Variants in FBXL7 observed in about 807,000 individuals in gnomAD.
FBXL7 encodes the protein F-box/LRR-repeat protein 7.
Under a neutral mutation model 38.3 loss-of-function variants are expected in FBXL7, and 12 were observed. The observed-to-expected ratio is 0.31, with a 90% confidence interval of 0.20 to 0.51. FBXL7 has a LOEUF of 0.51. Ranked by LOEUF, FBXL7 falls within the 20% of genes least tolerant of loss-of-function variation. The probability of loss-of-function intolerance (pLI) is 0.98; values close to 1 mark genes in which losing one functional copy is unlikely to be tolerated. For synonymous variants in FBXL7, 297 were observed against 300.9 expected (o/e 0.99, Z 0.13); for missense variants, 567 against 676.4 (o/e 0.84, Z 1.79).
At chr5:15,793,368 G>C (rs112816480) in intron 2 of FBXL7, among the ~76,000 whole-genome samples, 1,552 of 152,222 alleles carry the variant, frequency 0.01, 32 homozygotes, top group African/African-American at 0.035. Flanking sequence ...AGGAGTTCCT[G>C]GCTGGAAACT....
chr5:15,890,352 G>A (rs542986111), intron 2 of FBXL7, among the ~76,000 whole-genome samples: 16 of 152,164 alleles, frequency 1.1e-4, no homozygotes, highest in Admixed American at 2.6e-4. Context: ...GGGTTCAAGC[G>A]ATTCTCCTGC....
intron 2 of FBXL7, among the ~76,000 whole-genome samples, chr5:15,708,475 A>G (rs1464550355): frequency 6.6e-6 from 1 of 152,210 alleles, no homozygotes; most frequent in Non-Finnish European, 1.5e-5. Context: ...TGGAGTTATC[A>G]TAGCTAGAAA....
chr5:15,599,542 A>T (rs1739731034), intron 1 of FBXL7, among the ~76,000 whole-genome samples: 1 of 152,160 alleles, frequency 6.6e-6, no homozygotes. Context: ...TTTTGCTAGA[A>T]GGCTGACGAC....
chr5:15,683,067 C>A (rs1211794458), intron 2 of FBXL7, among the ~76,000 whole-genome samples: 1 of 152,082 alleles, frequency 6.6e-6, no homozygotes, highest in African/African-American at 2.4e-5. Context: ...GAGATGAGAG[C>A]TGAAGGTGTA....
intron 2 of FBXL7, among the ~76,000 whole-genome samples, chr5:15,700,355 C>T (rs983628497): frequency 2.0e-5 from 3 of 152,178 alleles, no homozygotes; most frequent in Admixed American, 6.5e-5. Context: ...TTGCTGCAGA[C>T]ACACTCAATA....
chr5:15,608,271 G>A (rs2126505255), intron 1 of FBXL7, among the ~76,000 whole-genome samples: 1 of 152,096 alleles, frequency 6.6e-6, no homozygotes, highest in African/African-American at 2.4e-5. Context: ...TTTTCTCATA[G>A]CAGCCTCTCC....
intron 2 of FBXL7, among the ~76,000 whole-genome samples, chr5:15,906,216 A>G (rs1375686044): frequency 6.6e-6 from 1 of 152,080 alleles, no homozygotes; most frequent in Non-Finnish European, 1.5e-5. Context: ...GGAGCTTTAC[A>G]CATTGGTCAA....
intron 2 of FBXL7, among the ~76,000 whole-genome samples, chr5:15,846,883 T>G (rs944211946): frequency 2.0e-5 from 3 of 152,150 alleles, no homozygotes; most frequent in Non-Finnish European, 4.4e-5. Context: ...TGTGAACACA[T>G]GAAATTATGC....
At chr5:15,917,508 T>C (rs1741613147) in intron 2 of FBXL7, among the ~76,000 whole-genome samples, 1 of 152,104 alleles carries the variant, frequency 6.6e-6, no homozygotes, top group Non-Finnish European at 1.5e-5. Flanking sequence ...CTCGGGAGGC[T>C]GAAGCAGGAG....
intron 2 of FBXL7, among the ~76,000 whole-genome samples, chr5:15,690,711 A>T (rs1743155166): frequency 2.0e-5 from 3 of 152,214 alleles, no homozygotes; most frequent in Admixed American, 2.0e-4. Flanking sequence ...ATATTGAATG[A>T]TCTCACCCAT....
intron 2 of FBXL7, among the ~76,000 whole-genome samples, chr5:15,638,582 T>C (rs1236259590): frequency 6.6e-6 from 1 of 151,582 alleles, no homozygotes; most frequent in Non-Finnish European, 1.5e-5. Context: ...CAGTAAGTGA[T>C]GGAACGGAGG....
intron 2 of FBXL7, among the ~76,000 whole-genome samples, chr5:15,813,584 A>G (rs1057306701): frequency 6.6e-6 from 1 of 152,202 alleles, no homozygotes; most frequent in Non-Finnish European, 1.5e-5. Context: ...ATGGGATCTA[A>G]TTAAACTAAA....
At chr5:15,851,926 C>G (rs1390327181) in intron 2 of FBXL7, among the ~76,000 whole-genome samples, 3 of 151,592 alleles carry the variant, frequency 2.0e-5, no homozygotes, top group Non-Finnish European at 1.5e-5. Context: ...CCTAAGGTAA[C>G]CACTTTACTT....
intron 2 of FBXL7, among the ~76,000 whole-genome samples, chr5:15,689,697 AAGT>A (rs1245197414): frequency 6.6e-6 from 1 of 152,228 alleles, no homozygotes; most frequent in Admixed American, 6.5e-5. Context: ...GAACTTGTAG[AAGT>A]AGTAGTGGTT....
chr5:15,771,279 C>G (rs537389803), intron 2 of FBXL7, among the ~76,000 whole-genome samples: 1 of 152,208 alleles, frequency 6.6e-6, no homozygotes, highest in African/African-American at 2.4e-5. Context: ...CTTCACTTCT[C>G]TGATAAATGT....
rs577691183 is a variant in FBXL7 at position 15,568,307 on chromosome 5, T to C, written c.38-47676T>C. On this transcript the variant is annotated intron_variant, in intron 1 of 3. Coordinates refer to ENST00000504595, the MANE Select transcript of FBXL7 (RefSeq NM_012304.5). The stretch of plus-strand genomic sequence containing the variant: ...CGCCATTCTAACTGGTGTGAGATGA[T>C]ATCTCATAGTGGTTTTGATTTGCAT... Among the ~76,000 whole-genome samples, 172 of 152,342 alleles carry C rather than the reference T, an allele frequency of 1.1e-3. 3 individuals carry two copies. In the South Asian group the frequency reaches 0.033, roughly 29 times the overall value.
At chr5:15,698,041 T>C (rs955737748) in intron 2 of FBXL7, among the ~76,000 whole-genome samples, 8 of 152,174 alleles carry the variant, frequency 5.3e-5, no homozygotes, top group Non-Finnish European at 1.2e-4. Flanking sequence ...CAATGTGCAA[T>C]TGAAAGCGCG....
intron 2 of FBXL7, among the ~76,000 whole-genome samples, chr5:15,801,633 C>CTG (rs1561131619): frequency 8.5e-6 from 1 of 117,374 alleles, no homozygotes; most frequent in African/African-American, 4.1e-5. Context: ...AAGGGGGAGT[C>CTG]AGTGTGTGTG....
intron 2 of FBXL7, among the ~76,000 whole-genome samples, chr5:15,882,133 A>T (rs143918920): frequency 9.5e-4 from 144 of 152,242 alleles, no homozygotes; most frequent in African/African-American, 3.4e-3. Context: ...ATTCATGAGA[A>T]ATCTGCCCCC....
Sources: gnomAD v4.1 joint callset for allele counts (sites outside exome capture counted in the v4.1 genomes callset) on GRCh38, gnomAD v4.1.1 for gene constraint, MANE v1.5 for transcripts, NCBI Gene and HGNC (gene_info 2026-07-23, HGNC 2026-07-21) for gene names.